Variants in SQOR observed in about 807,000 individuals in gnomAD.
SQOR encodes sulfide quinone oxidoreductase, also known as sulfide:quinone oxidoreductase, mitochondrial.
Under a neutral mutation model 48.6 loss-of-function variants are expected in SQOR, and 39 were observed. The ratio of observed to expected loss-of-function variants is 0.80; its 90% CI spans 0.62 to 1.05. The LOEUF (loss-of-function observed/expected upper bound fraction) is 1.05. Ranked by LOEUF, SQOR falls within the 50% of genes least tolerant of loss-of-function variation. SQOR has a pLI of 0.00. For synonymous variants in SQOR, 220 were observed against 206.2 expected (o/e 1.07, Z -0.57); for missense variants, 561 against 559.9 (o/e 1.00, Z -0.02).
chr15:45,648,215 G>A (rs1038790564), intron 1 of SQOR, among the ~76,000 whole-genome samples: 7 of 151,068 alleles, frequency 4.6e-5, no homozygotes, highest in African/African-American at 1.2e-4. Flanking sequence ...TTGCGCCACC[G>A]TCACCAGGCT....
intron 1 of SQOR, among the ~76,000 whole-genome samples, chr15:45,636,959 G>T (rs1354975210): frequency 2.0e-5 from 3 of 151,326 alleles, no homozygotes; most frequent in African/African-American, 7.3e-5. Context: ...CACTTCCATT[G>T]ACATTTCCAA....
chr15:45,648,506 C>T (rs1382246313), intron 1 of SQOR, among the ~76,000 whole-genome samples: 1 of 152,196 alleles, frequency 6.6e-6, no homozygotes, highest in Non-Finnish European at 1.5e-5. Flanking sequence ...CAAATCCTGT[C>T]TTCTGGATTT....
chr15:45,663,850 A>G (rs1397526263), intron 3 of SQOR, among the ~76,000 whole-genome samples: 1 of 152,234 alleles, frequency 6.6e-6, no homozygotes, highest in Non-Finnish European at 1.5e-5. Flanking sequence ...GCCTCCATTC[A>G]TTCATTCTAC....
intron 1 of SQOR, among the ~76,000 whole-genome samples, chr15:45,636,208 A>G (rs1895002256): frequency 6.6e-6 from 1 of 152,154 alleles, no homozygotes; most frequent in Non-Finnish European, 1.5e-5. Context: ...ATGTCAAAAC[A>G]TTAAAAGAAT....
At chr15:45,686,240 C>A (rs1458871950) in intron 7 of SQOR, among the ~76,000 whole-genome samples, 1 of 152,054 alleles carries the variant, frequency 6.6e-6, no homozygotes, top group Non-Finnish European at 1.5e-5. Context: ...CAACCTCTGC[C>A]TCCTGGGTTC....
Position 45,685,575 on chromosome 15 carries a change from G to T in SQOR, c.1049-2762G>T, listed in dbSNP as rs543399008. On this transcript the variant is annotated intron_variant, in intron 7 of 9. Coordinates refer to ENST00000260324, the MANE Select transcript of SQOR (RefSeq NM_021199.4). ...AATACAGGGCAAAAACCCAAGTCCCGCACGCCTGCACCCATGCACACTTTA... is the reference window on the plus strand; with the variant it reads ...AATACAGGGCAAAAACCCAAGTCCCTCACGCCTGCACCCATGCACACTTTA... Among the ~76,000 whole-genome samples the T allele has an allele frequency of 4.9e-4, 74 of 152,222 alleles. 1 individual carries two copies. Among genetic ancestry groups the T allele is most frequent in the Middle Eastern group, 3.4e-3 (1 of 294 alleles).
In SQOR at chr15:45,672,675, A is replaced by T. The variant is rs112006042; in HGVS notation, c.460-932A>T. On this transcript the variant is annotated intron_variant, in intron 4 of 9. Coordinates refer to ENST00000260324, the MANE Select transcript of SQOR (RefSeq NM_021199.4). The stretch of plus-strand genomic sequence containing the variant: ...ACTGAGGCTTAAGTCTCTTTAACTC[A>T]GTCTGTGACATCTTCATTGCACTCT... 9.0e-3 allele frequency among the ~76,000 whole-genome samples: 1,373 copies of T among 152,328 alleles called. 24 individuals carry two copies. The highest frequency in any genetic ancestry group is 0.031 in the African/African-American group (1,293 of 41,560).
At chr15:45,650,972 GC>G (rs972169511) in intron 1 of SQOR, among the ~76,000 whole-genome samples, 3 of 152,220 alleles carry the variant, frequency 2.0e-5, no homozygotes, top group African/African-American at 7.2e-5. Context: ...CCGTGCCAGA[GC>G]CGAGGCGGAG....
At chr15:45,662,393 G>A (rs997053355) in intron 3 of SQOR, among the ~76,000 whole-genome samples, 1 of 152,148 alleles carries the variant, frequency 6.6e-6, no homozygotes, top group Non-Finnish European at 1.5e-5. Context: ...ATACTATCTT[G>A]CACCTGAATG....
At chr15:45,634,461 G>A (rs905976579), upstream of SQOR, among the ~76,000 whole-genome samples, 3 of 151,822 alleles carry the variant, frequency 2.0e-5, no homozygotes, top group African/African-American at 7.3e-5. Context: ...CATGAATATG[G>A]GATGGGACAC....
intron 7 of SQOR, among the ~76,000 whole-genome samples, chr15:45,684,519 C>T (rs1890186258): frequency 6.6e-6 from 1 of 152,182 alleles, no homozygotes; most frequent in South Asian, 2.1e-4. Flanking sequence ...CCCTCTGTGG[C>T]ACCTCAGGAG....
At chr15:45,632,061 T>G (rs1894906349), upstream of SQOR, 1 of 152,238 alleles carries the variant, frequency 6.6e-6, no homozygotes, top group Non-Finnish European at 1.5e-5. Flanking sequence ...GATGGGCAAG[T>G]TACAACTTCT....
At chr15:45,649,948 G>A (rs1277096441) in intron 1 of SQOR, among the ~76,000 whole-genome samples, 1 of 151,782 alleles carries the variant, frequency 6.6e-6, no homozygotes, top group Non-Finnish European at 1.5e-5. Flanking sequence ...GTTCAAGTGG[G>A]GGTCCTGCCT....
chr15:45,636,954 C>T (rs1895016813), intron 1 of SQOR, among the ~76,000 whole-genome samples: 1 of 151,724 alleles, frequency 6.6e-6, no homozygotes, highest in South Asian at 2.1e-4. Context: ...CTTGACACTT[C>T]CATTGACATT....
upstream of SQOR, among the ~76,000 whole-genome samples, chr15:45,633,306 C>T (rs1894931236): frequency 6.6e-6 from 1 of 152,138 alleles, no homozygotes; most frequent in Admixed American, 6.5e-5. Flanking sequence ...GGTTTTCATA[C>T]TAAAATTTCC....
Position 45,676,093 on chromosome 15 carries a change from T to C in SQOR, c.655-8T>C. On this transcript the variant is annotated splice_region_variant and splice_polypyrimidine_tract_variant and intron_variant, in intron 5 of 9. Transcript: ENST00000260324. ...CTTTGGTGTGAATGGTTTTCTTATT[T>C]TTCTCAGACAGGGAAGCGATCCAAG... 6.2e-7 allele frequency: 1 copy of C among 1,609,162 alleles called. No homozygotes were observed. Among genetic ancestry groups the C allele is most frequent in the Non-Finnish European group, 8.5e-7 (1 of 1,178,740 alleles).
intron 5 of SQOR, chr15:45,674,018 C>A (rs1889990991): frequency 1.8e-6 from 1 of 558,378 alleles, no homozygotes; most frequent in Admixed American, 3.4e-5. Context: ...TTCAATTTGA[C>A]ATGGCTTTCC....
intron 1 of SQOR, among the ~76,000 whole-genome samples, chr15:45,651,466 G>A (rs780583148): frequency 5.3e-5 from 8 of 152,242 alleles, no homozygotes; most frequent in Non-Finnish European, 7.3e-5. Context: ...GCGCAGTGGC[G>A]GCCTGAAGGG....
intron 2 of SQOR, among the ~76,000 whole-genome samples, chr15:45,660,876 T>C (rs924400931): frequency 1.3e-5 from 2 of 152,134 alleles, no homozygotes; most frequent in African/African-American, 4.8e-5. Context: ...TTTGGCAATA[T>C]TGAGAGCTCT....
Sources: gnomAD v4.1 joint callset for allele counts (sites outside exome capture counted in the v4.1 genomes callset) on GRCh38, gnomAD v4.1.1 for gene constraint, MANE v1.5 for transcripts, NCBI Gene and HGNC (gene_info 2026-07-23, HGNC 2026-07-21) for gene names.